SNX25: variants seen among roughly 807,000 people sequenced by gnomAD.
The protein encoded by SNX25 is sorting nexin 25.
A neutral mutation model predicts 113.7 loss-of-function variants in SNX25; 62 were observed. That is an observed-to-expected ratio of 0.55 (90% CI 0.44 to 0.67). SNX25 has a LOEUF of 0.67. Among genes scored for constraint, SNX25 ranks in the 30% least tolerant of loss-of-function variants. The pLI is 0.00. For missense variants in SNX25, 1,014 were observed against 1,161.0 expected, an observed-to-expected ratio of 0.87 and a Z score of 1.84; for synonymous variants, 421 against 436.2, an observed-to-expected ratio of 0.97 and a Z score of 0.43.
At chr4:185,250,990 T>G (rs947614896) in intron 2 of SNX25, among the ~76,000 whole-genome samples, 2 of 152,032 alleles carry the variant, frequency 1.3e-5, no homozygotes, top group Non-Finnish European at 2.9e-5. Context: ...TTCAATAATG[T>G]TTTGTTGTGT....
At chr4:185,352,005 C>T (rs1397283513) in intron 14 of SNX25, among the ~76,000 whole-genome samples, 1 of 151,976 alleles carries the variant, frequency 6.6e-6, no homozygotes, top group Non-Finnish European at 1.5e-5. Context: ...TGGTGCCGTG[C>T]TCTAATGGAA....
At chr4:185,254,178 C>T (rs1022652214) in intron 2 of SNX25, among the ~76,000 whole-genome samples, 4 of 152,124 alleles carry the variant, frequency 2.6e-5, no homozygotes, top group Admixed American at 1.3e-4. Flanking sequence ...CTCCCAGTGA[C>T]ATGCAATATG....
At chr4:185,235,394 ACTC>A (rs1295346102) in intron 1 of SNX25, among the ~76,000 whole-genome samples, 1 of 152,144 alleles carries the variant, frequency 6.6e-6, no homozygotes, top group East Asian at 1.9e-4. Context: ...CTTGTTCATT[ACTC>A]AGTTCTTCTT....
intron 5 of SNX25, among the ~76,000 whole-genome samples, chr4:185,279,353 AAATATAATTTTC>A (rs1750235296): frequency 6.6e-6 from 1 of 152,108 alleles, no homozygotes; most frequent in Non-Finnish European, 1.5e-5. Flanking sequence ...TGTTCTGTTC[AAATATAATTTTC>A]TACATGTGCT....
intron 8 of SNX25, among the ~76,000 whole-genome samples, chr4:185,323,256 A>G (rs935311341): frequency 1.3e-5 from 2 of 152,204 alleles, no homozygotes. Context: ...CTATTGCAGG[A>G]AGAGAACTGT....
chr4:185,292,746 C>G (rs1752358064), intron 6 of SNX25, among the ~76,000 whole-genome samples: 1 of 152,100 alleles, frequency 6.6e-6, no homozygotes, highest in South Asian at 2.1e-4. Flanking sequence ...ATAGCAAGAC[C>G]TTGTCTCTAC....
intron 9 of SNX25, 65 bp downstream of exon 9, chr4:185,323,865 G>A (rs2095137666): frequency 1.3e-6 from 2 of 1,563,438 alleles, no homozygotes; most frequent in East Asian, 4.5e-5. Context: ...TTAAGTGGGT[G>A]CATATTGTGT....
chr4:185,337,790 A>G (rs1234157213), intron 10 of SNX25, among the ~76,000 whole-genome samples: 1 of 152,162 alleles, frequency 6.6e-6, no homozygotes, highest in Non-Finnish European at 1.5e-5. Context: ...AACCATTAGG[A>G]TATTTCTTAT....
chr4:185,316,103 T>C (rs1412025541), intron 7 of SNX25, among the ~76,000 whole-genome samples: 2 of 152,244 alleles, frequency 1.3e-5, no homozygotes, highest in Admixed American at 1.3e-4. Context: ...AATTTCTCTT[T>C]GGAGCCCAGT....
intron 2 of SNX25, among the ~76,000 whole-genome samples, chr4:185,249,942 G>GA (rs1745410594): frequency 6.6e-6 from 1 of 152,054 alleles, no homozygotes; most frequent in Admixed American, 6.6e-5. Context: ...TCTTGATGTT[G>GA]GTTTCTGTTA....
downstream of SNX25, among the ~76,000 whole-genome samples, chr4:185,371,346 T>C (rs370148954): frequency 2.8e-4 from 42 of 152,136 alleles, no homozygotes; most frequent in Middle Eastern, 6.8e-3. Flanking sequence ...GAGACCATCC[T>C]GGCTAACATG....
At chr4:185,370,730 C>T, downstream of SNX25, 4 of 1,614,048 alleles carry the variant, frequency 2.5e-6, no homozygotes, top group South Asian at 3.3e-5. Flanking sequence ...ATGCCATTGC[C>T]ATGCCTCTGC....
chr4:185,325,946 GA>G (rs2095154214), intron 9 of SNX25, among the ~76,000 whole-genome samples: 1 of 152,152 alleles, frequency 6.6e-6, no homozygotes, highest in Non-Finnish European at 1.5e-5. Flanking sequence ...CATTCCAGTC[GA>G]AGCATGGGTA....
At position 185,310,696 on chromosome 4, in the gene SNX25, C is replaced by T. The variant is rs1181175167; in HGVS notation, c.1224C>T (p.Ile408=). 6.2e-7 allele frequency: 1 copy of T among 1,614,048 alleles called. No homozygotes were observed. The highest frequency in any genetic ancestry group is 1.1e-5 in the South Asian group (1 of 91,046). The change falls in exon 7 of 19, where the codon ATC becomes ATT. Residue 408 remains isoleucine (I), a synonymous_variant. Transcript: ENST00000652585. Reference sequence around the variant, plus strand: ...GGGCCAGGAACATGAAGAGGTACATCAACCAACTGACTGTGGCAAAGAAGC... The same window carrying T: ...GGGCCAGGAACATGAAGAGGTACATTAACCAACTGACTGTGGCAAAGAAGC... ...LLRARNMKRY[I]NQLTVAKKQC...
intron 2 of SNX25, among the ~76,000 whole-genome samples, chr4:185,257,655 T>G (rs532507917): frequency 1.3e-5 from 2 of 152,308 alleles, no homozygotes; most frequent in African/African-American, 4.8e-5. Flanking sequence ...TTTTTATTGT[T>G]TATCTTATTT....
chr4:185,354,150 A>G (rs1229050757), intron 15 of SNX25, among the ~76,000 whole-genome samples: 1 of 152,024 alleles, frequency 6.6e-6, no homozygotes, highest in Non-Finnish European at 1.5e-5. Flanking sequence ...ACTCTGCCCC[A>G]TGTTCCTCTG....
chr4:185,227,112 A>G (rs1171922182), intron 1 of SNX25, among the ~76,000 whole-genome samples: 1 of 152,196 alleles, frequency 6.6e-6, no homozygotes, highest in Non-Finnish European at 1.5e-5. Flanking sequence ...CCAGAAGAAG[A>G]AAGTCCCTTT....
At chr4:185,234,196 C>G (rs968907758) in intron 1 of SNX25, among the ~76,000 whole-genome samples, 14 of 152,110 alleles carry the variant, frequency 9.2e-5, no homozygotes, top group Admixed American at 8.5e-4. Flanking sequence ...AAATCTACTT[C>G]TATTGATCAC....
chr4:185,206,667 AAAAAAAAAAAAAAAAG>A (rs1737202554), upstream of SNX25, among the ~76,000 whole-genome samples: 1 of 149,642 alleles, frequency 6.7e-6, no homozygotes, highest in Non-Finnish European at 1.5e-5. Flanking sequence ...TCTCAAAAAA[AAAAAAAAAAAAAAAAG>A]AATGGAAGAT....
Sources: gnomAD v4.1 joint callset for allele counts (sites outside exome capture counted in the v4.1 genomes callset) on GRCh38, gnomAD v4.1.1 for gene constraint, MANE v1.5 for transcripts, NCBI Gene and HGNC (gene_info 2026-07-23, HGNC 2026-07-21) for gene names.